The following TRPV1 variants were observed in gnomAD, a reference collection of about 807,000 sequenced individuals.
TRPV1 encodes the protein OTRPC1.
Under a neutral mutation model 82.3 loss-of-function variants are expected in TRPV1, and 82 were observed. The ratio of observed to expected loss-of-function variants is 1.00; its 90% confidence interval spans 0.83 to 1.20. The LOEUF (loss-of-function observed/expected upper bound fraction) is 1.20, where lower values mean the gene tolerates loss of function less well. Ranked by LOEUF, TRPV1 falls within the 50% of genes most tolerant of loss-of-function variation. The pLI, the probability that TRPV1 is intolerant of heterozygous loss-of-function variation, is 0.00. For missense variants in TRPV1, 1,067 were observed against 1,096.8 expected, an observed-to-expected ratio of 0.97 and a Z score of 0.38; for synonymous variants, 515 against 467.7, an observed-to-expected ratio of 1.10 and a Z score of -1.30.
At chr17:3,572,497 A>G (rs1195755905) in intron 14 of TRPV1, among the ~76,000 whole-genome samples, 1 of 152,148 alleles carries the variant, frequency 6.6e-6, no homozygotes, top group African/African-American at 2.4e-5. Context: ...TGGGCAGGGC[A>G]GCCCCGGGAG....
intron 9 of TRPV1, chr17:3,585,485 C>T: frequency 5.4e-6 from 2 of 370,288 alleles, no homozygotes; most frequent in Non-Finnish European, 1.0e-5. Flanking sequence ...ACCCCGTCTA[C>T]AATCAGGGAC....
At chr17:3,585,956 C>T (rs1389479855) in intron 8 of TRPV1, 30 bp from the exon 9 acceptor site, 2 of 1,612,580 alleles carry the variant, frequency 1.2e-6, no homozygotes, top group Admixed American at 1.7e-5. Flanking sequence ...GTGAGGTTCC[C>T]TCCTGCAGCA....
chr17:3,606,529 G>C (rs1350869800), intron 2 of TRPV1, among the ~76,000 whole-genome samples: 3 of 152,132 alleles, frequency 2.0e-5, no homozygotes, highest in Non-Finnish European at 4.4e-5. Context: ...CATAGCATCG[G>C]GATACTGACG....
chr17:3,594,983 A>G (rs1436564129), intron 2 of TRPV1, among the ~76,000 whole-genome samples: 2 of 152,194 alleles, frequency 1.3e-5, no homozygotes, highest in African/African-American at 4.8e-5. Flanking sequence ...CGTCAGCCTT[A>G]ACTCCAAGGA....
At position 3,572,944 on chromosome 17, in the gene TRPV1, A is replaced by C. The variant is rs998214053; in HGVS notation, c.2103+689T>G. On this transcript the variant is annotated intron_variant, in intron 14 of 16. Transcript: ENST00000572705. ...GTTGCAGTCAGCCAAGATCATGCCA[A>C]TGCACTCCAGCCTGGGTGACAGAGT... Among the ~76,000 whole-genome samples, 19 of 138,518 alleles carry C rather than the reference A, an allele frequency of 1.4e-4. 1 individual carries two copies. The highest frequency in any genetic ancestry group is 4.1e-4 in the African/African-American group (16 of 38,736). 90.9% of individuals were successfully genotyped at this position (138,518 alleles called of 152,430 possible).
chr17:3,577,824 A>G, intron 11 of TRPV1, 61 bp from the exon 12 acceptor site: 1 of 1,517,124 alleles, frequency 6.6e-7, no homozygotes, highest in South Asian at 1.2e-5. Flanking sequence ...GCACCCCCAG[A>G]ACAAAAGGTC....
In TRPV1 at chr17:3,580,497, T is replaced by C; in HGVS notation, c.1507A>G (p.Met503Val). The change falls in exon 11 of 17, where the codon ATG becomes GTG. Residue 503 changes from methionine to valine, a missense_variant. Physicochemically the swap from Met to Val is conservative, Grantham distance 21. Coordinates refer to ENST00000572705, the MANE Select transcript of TRPV1 (RefSeq NM_080704.4). ...TAGCTGTCCACAAACAGGGTCTTCA[T>C]CGACGGCCGCCTCTGCAGGAAATAC... ...IQYFLQRRPS[M>V]KTLFVDSYSE... The C allele has an allele frequency of 6.2e-7, 1 of 1,614,004 alleles. No individual in the cohort carries two copies. The highest frequency in any genetic ancestry group is 8.5e-7 in the Non-Finnish European group (1 of 1,179,900).
At chr17:3,567,763 A>G (rs2074788675) in intron 16 of TRPV1, among the ~76,000 whole-genome samples, 1 of 151,352 alleles carries the variant, frequency 6.6e-6, no homozygotes, top group Non-Finnish European at 1.5e-5. Flanking sequence ...GCGACAGAAC[A>G]AGATTCTGTC....
intron 2 of TRPV1, chr17:3,592,775 G>C (rs2075176335): frequency 5.8e-6 from 1 of 173,658 alleles, no homozygotes; most frequent in South Asian, 1.5e-4. Context: ...AAAACGGCCG[G>C]GGTGGCTGTC....
chr17:3,569,853 T>A (rs1567656354), intron 16 of TRPV1, among the ~76,000 whole-genome samples: 3 of 151,658 alleles, frequency 2.0e-5, no homozygotes, highest in Non-Finnish European at 4.4e-5. Context: ...CTTTAACGTC[T>A]CTGTCCCACT....
At chr17:3,567,869 CCTG>C (rs2074791241) in intron 16 of TRPV1, among the ~76,000 whole-genome samples, 1 of 152,162 alleles carries the variant, frequency 6.6e-6, no homozygotes, top group Non-Finnish European at 1.5e-5. Context: ...TGTGTATACC[CCTG>C]CCACTGGGTC....
chr17:3,575,856 C>T (rs1351589305), intron 13 of TRPV1, among the ~76,000 whole-genome samples: 1 of 152,102 alleles, frequency 6.6e-6, no homozygotes, highest in Non-Finnish European at 1.5e-5. Context: ...GAAACATTGT[C>T]AAAACCACTG....
intron 3 of TRPV1, among the ~76,000 whole-genome samples, chr17:3,591,779 T>G (rs1217176963): frequency 1.3e-5 from 2 of 152,176 alleles, no homozygotes; most frequent in Non-Finnish European, 2.9e-5. Context: ...ACTGGAGCTG[T>G]GCTGTGCTCT....
intron 14 of TRPV1, 82 bp downstream of exon 14, chr17:3,573,551 C>CCCCCCCCCCCCCCCCCCG: frequency 4.7e-6 from 3 of 635,234 alleles, no homozygotes; most frequent in South Asian, 6.1e-5. Flanking sequence ...ACCCACCCAC[C>CCCCCCCCCCCCCCCCCCG]TGCAGCCAGC....
At chr17:3,575,022 A>G (rs1284702669) in intron 13 of TRPV1, among the ~76,000 whole-genome samples, 1 of 152,184 alleles carries the variant, frequency 6.6e-6, no homozygotes, top group Non-Finnish European at 1.5e-5. Flanking sequence ...TATTAAAATA[A>G]AAGAGGATAG....
intron 2 of TRPV1, among the ~76,000 whole-genome samples, chr17:3,606,521 T>C (rs1409914303): frequency 2.0e-5 from 3 of 152,094 alleles, no homozygotes; most frequent in Admixed American, 2.0e-4. Context: ...CGTGGGCTCA[T>C]AGCATCGGGA....
chr17:3,593,005 G>A (rs1425828773), intron 2 of TRPV1: 5 of 152,828 alleles, frequency 3.3e-5, no homozygotes, highest in African/African-American at 4.8e-5. Context: ...GAGCTTATAC[G>A]AGATTTTGGA....
Position 3,572,263 on chromosome 17 carries a change from C to T in TRPV1, c.2104-14G>A, listed in dbSNP as rs1390111596. ...GGTGATGGCTCTCTGCAGGAAGACACCAAGGGCAGAGGAGCTGAGGGGCAG... is the reference window on the plus strand; with the variant it reads ...GGTGATGGCTCTCTGCAGGAAGACATCAAGGGCAGAGGAGCTGAGGGGCAG... On this transcript the variant is annotated splice_polypyrimidine_tract_variant and intron_variant, in intron 14 of 16. Transcript: ENST00000572705. 2 of 1,602,658 alleles carry T rather than the reference C, an allele frequency of 1.2e-6. No homozygotes were observed. Among genetic ancestry groups the T allele is most frequent in the Non-Finnish European group, 1.7e-6 (2 of 1,174,314 alleles).
At chr17:3,604,368 C>T (rs974956716) in intron 2 of TRPV1, among the ~76,000 whole-genome samples, 3 of 151,982 alleles carry the variant, frequency 2.0e-5, no homozygotes, top group Admixed American at 6.6e-5. Context: ...GAGGCTGAGG[C>T]GGGCGGATCA....
Sources: gnomAD v4.1 joint callset for allele counts (sites outside exome capture counted in the v4.1 genomes callset) on GRCh38, gnomAD v4.1.1 for gene constraint, MANE v1.5 for transcripts, NCBI Gene and HGNC (gene_info 2026-07-23, HGNC 2026-07-21) for gene names.